The following ARID3C variants were observed in gnomAD, a reference collection of about 807,000 sequenced individuals.
The protein encoded by ARID3C is AT-rich interaction domain 3C.
ARID3C carries 42 observed loss-of-function variants against 37.9 expected under a neutral mutation model. The observed-to-expected ratio is 1.11, with a 90% confidence interval of 0.87 to 1.43. The LOEUF is 1.43. Ranked by LOEUF, ARID3C falls within the 40% of genes most tolerant of loss-of-function variation. The pLI is 0.00. For missense variants in ARID3C, 581 were observed against 548.8 expected, an observed-to-expected ratio of 1.06 and a Z score of -0.59; for synonymous variants, 213 against 228.0, an observed-to-expected ratio of 0.93 and a Z score of 0.59.
At chr9:34,625,596 A>G (rs1587217049) in intron 2 of ARID3C, 146 bp downstream of exon 3, 10 of 425,808 alleles carry the variant, frequency 2.3e-5, no homozygotes, top group East Asian at 9.4e-5. Context: ...GAGGAGGGGG[A>G]CAGGGTCAGA....
At chr9:34,622,390 G>A (rs1448411917) in exon 5 of ARID3C, 3 of 1,613,074 alleles carry the variant, frequency 1.9e-6, no homozygotes, top group South Asian at 1.1e-5. Context: ...TGGGGGGCAT[G>A]CAAGGTCGAG....
chr9:34,626,834 C>T (rs1389325553), intron 1 of ARID3C, among the ~76,000 whole-genome samples: 3 of 152,096 alleles, frequency 2.0e-5, no homozygotes, highest in Admixed American at 1.3e-4. Flanking sequence ...CAGTTTTATA[C>T]TAATGCCAGA....
chr9:34,621,837 G>A (rs1820568028), intron 6 of ARID3C, among the ~76,000 whole-genome samples, 183 bp downstream of exon 7: 1 of 152,042 alleles, frequency 6.6e-6, no homozygotes, highest in Admixed American at 6.6e-5. Context: ...TCATGCCTTG[G>A]ATCCCATGCC....
upstream of ARID3C, among the ~76,000 whole-genome samples, chr9:34,630,592 C>A (rs1371982942): frequency 1.3e-5 from 2 of 152,166 alleles, no homozygotes; most frequent in Admixed American, 1.3e-4. Flanking sequence ...AATCAGTCCA[C>A]TCCTCTCAGC....
intron 2 of ARID3C, 77 bp downstream of exon 3, chr9:34,625,665 G>A (rs1820644963): frequency 1.3e-6 from 2 of 1,546,442 alleles, no homozygotes; most frequent in East Asian, 4.5e-5. Context: ...GGCCTCAGCA[G>A]GGAGAACCCA....
At chr9:34,631,407 G>C (rs1820722108), upstream of ARID3C, among the ~76,000 whole-genome samples, 1 of 152,164 alleles carries the variant, frequency 6.6e-6, no homozygotes, top group Non-Finnish European at 1.5e-5. Flanking sequence ...TCTGTGAAAA[G>C]GAAAGGCTGC....
upstream of ARID3C, among the ~76,000 whole-genome samples, chr9:34,628,362 G>A (rs565961753): frequency 2.0e-5 from 3 of 152,226 alleles, no homozygotes; most frequent in African/African-American, 7.2e-5. This position sits in a 1 kb window ranked among gnomAD's most constrained non-coding sequence, Gnocchi z 5.2. Context: ...GGAGAAGGGG[G>A]ATGTCCGACA....
upstream of ARID3C, among the ~76,000 whole-genome samples, chr9:34,631,518 A>G (rs1458791143): frequency 6.6e-6 from 1 of 151,728 alleles, no homozygotes; most frequent in Non-Finnish European, 1.5e-5. Flanking sequence ...TTTATTATCT[A>G]TTTTTTTTGC....
chr9:34,624,608 A>C (rs1006934040), intron 2 of ARID3C, among the ~76,000 whole-genome samples: 208 of 151,030 alleles, frequency 1.4e-3, no homozygotes, highest in East Asian at 1.0e-2. Flanking sequence ...AAAAGAATCA[A>C]CTCCCGCCTC....
intron 1 of ARID3C, among the ~76,000 whole-genome samples, chr9:34,626,606 T>C (rs1820657346): frequency 6.6e-6 from 1 of 152,098 alleles, no homozygotes; most frequent in South Asian, 2.1e-4. Context: ...ATAGATAATA[T>C]TCCATCACTC....
exon 4 of ARID3C, chr9:34,623,690 G>A: frequency 1.9e-6 from 3 of 1,568,460 alleles, no homozygotes; most frequent in Non-Finnish European, 2.6e-6. Flanking sequence ...TCTCGCACTC[G>A]TACGGGTACA....
At position 34,623,168 on chromosome 9, in the gene ARID3C, A is replaced by G. The variant is rs796153402; in HGVS notation, c.865+257T>C. Among the ~76,000 whole-genome samples, 68 of 151,404 alleles carry G rather than the reference A, an allele frequency of 4.5e-4. 1 individual carries two copies. Among genetic ancestry groups the G allele is most frequent in the African/African-American group, 1.5e-3 (60 of 41,290 alleles). ...CTCACAAAAAAAAAAAAAAAAGAAAAAAAGAAAAAAAAGGACCTTTTCCTG... is the reference window on the plus strand; with the variant it reads ...CTCACAAAAAAAAAAAAAAAAGAAAGAAAGAAAAAAAAGGACCTTTTCCTG... On this transcript the variant is annotated intron_variant, in intron 4 of 6. Coordinates refer to ENST00000378909, the Ensembl canonical transcript of ARID3C.
In ARID3C at chr9:34,623,328, T is replaced by G. The variant is rs945880609; in HGVS notation, c.865+97A>C. On this transcript the variant is annotated intron_variant, in intron 4 of 6. Transcript: ENST00000378909. ...CTTACTGCTCCCATACCTCAATGCCTCCCCAGACCTCAATCCTCACATTTT... is the reference window on the plus strand; with the variant it reads ...CTTACTGCTCCCATACCTCAATGCCGCCCCAGACCTCAATCCTCACATTTT... 11 of 1,371,290 alleles carry G rather than the reference T, an allele frequency of 8.0e-6. No individual in the cohort carries two copies. The East Asian group carries it at 2.6e-4, about 32-fold the overall frequency. 84.9% of individuals were successfully genotyped at this position (1,371,290 alleles called of 1,614,324 possible).
At chr9:34,622,644 C>A in intron 4 of ARID3C, 115 bp from the exon 6 acceptor site, 1 of 1,079,822 alleles carries the variant, frequency 9.3e-7, no homozygotes. Context: ...ATCTCTCATC[C>A]TTCATTCGAT....
At chr9:34,622,673 C>G in intron 4 of ARID3C, 144 bp from the exon 6 acceptor site, 3 of 866,906 alleles carry the variant, frequency 3.5e-6, no homozygotes, top group Non-Finnish European at 5.0e-6. Flanking sequence ...CCATCCAGAG[C>G]CTCAGCCTGG....
chr9:34,625,672 C>G, intron 2 of ARID3C, 70 bp downstream of exon 3: 2 of 1,580,486 alleles, frequency 1.3e-6, no homozygotes, highest in South Asian at 2.2e-5. Context: ...GCAGGGAGAA[C>G]CCAACCGGGT....
At chr9:34,621,608 G>T (rs775494615) in intron 6 of ARID3C, 50 bp from the exon 8 acceptor site, 2 of 1,349,202 alleles carry the variant, frequency 1.5e-6, no homozygotes, top group Admixed American at 2.3e-5. Context: ...GCAGGAGGGG[G>T]TAGGGTATGG....
At chr9:34,626,822 CTCAG>C (rs1360834008) in intron 1 of ARID3C, among the ~76,000 whole-genome samples, 18 of 152,112 alleles carry the variant, frequency 1.2e-4, no homozygotes, top group Non-Finnish European at 5.9e-5. Context: ...CTGAGTAACA[CTCAG>C]TTTTATACTA....
At chr9:34,627,638 GC>G in intron 1 of ARID3C, 58 bp downstream of exon 2, 1 of 1,496,110 alleles carries the variant, frequency 6.7e-7, no homozygotes, top group East Asian at 2.3e-5. Context: ...ACCTGGCTGT[GC>G]TTTTGCCAGA....
Sources: gnomAD v4.1 joint callset for allele counts (sites outside exome capture counted in the v4.1 genomes callset) on GRCh38, gnomAD v4.1.1 for gene constraint, Gnocchi (gnomAD v3.1) non-coding constraint, MANE v1.5 for transcripts, NCBI Gene and HGNC (gene_info 2026-07-23, HGNC 2026-07-21) for gene names.